Variants in INTS6 observed in about 807,000 individuals in gnomAD.
The protein encoded by INTS6 is DEAD box protein.
INTS6 carries 16 observed loss-of-function variants against 104.9 expected under a neutral mutation model. That is an observed-to-expected ratio of 0.15 (90% CI 0.10 to 0.23). The LOEUF is 0.23. INTS6 is among the 10% of genes least tolerant of loss of function. The pLI, the probability that INTS6 is intolerant of heterozygous loss-of-function variation, is 1.00. For missense variants in INTS6, 584 were observed against 1,062.8 expected (o/e 0.55, Z 6.26); for synonymous variants, 324 against 358.7 (o/e 0.90, Z 1.09).
intron 3 of INTS6, chr13:51,438,387 C>T (rs1424998705): frequency 6.6e-6 from 1 of 151,448 alleles, no homozygotes; most frequent in Non-Finnish European, 1.5e-5. Context: ...CCTAACTATA[C>T]ATACAAATAA....
the INTS6 span, among the ~76,000 whole-genome samples, chr13:51,340,160 G>T: frequency 6.6e-6 from 1 of 152,210 alleles, no homozygotes; most frequent in Non-Finnish European, 1.5e-5. Context: ...TCACTGGTGA[G>T]TCCAGGAAGT....
At chr13:51,427,128 C>T (rs753629789) in intron 4 of INTS6, among the ~76,000 whole-genome samples, 2 of 152,088 alleles carry the variant, frequency 1.3e-5, no homozygotes, top group Non-Finnish European at 2.9e-5. Context: ...TAACATGACT[C>T]TTAAGCAAAG....
chr13:51,387,226 T>C (rs771596571), intron 7 of INTS6, among the ~76,000 whole-genome samples, 160 bp downstream of exon 7: 4 of 152,228 alleles, frequency 2.6e-5, no homozygotes, highest in African/African-American at 4.8e-5. Context: ...AGGGTTATCA[T>C]AGCAAAGCAA....
At chr13:51,396,039 C>T (rs1016148487) in intron 4 of INTS6, among the ~76,000 whole-genome samples, 2 of 152,022 alleles carry the variant, frequency 1.3e-5, no homozygotes, top group Non-Finnish European at 2.9e-5. Flanking sequence ...CTCAGGTGAC[C>T]CACACGCCTC....
At chr13:51,435,639 G>A (rs1957173548) in intron 3 of INTS6, among the ~76,000 whole-genome samples, 1 of 151,916 alleles carries the variant, frequency 6.6e-6, no homozygotes, top group Non-Finnish European at 1.5e-5. Context: ...CTAAGAAAAG[G>A]TAATTTCCTC....
intron 5 of INTS6, 93 bp downstream of exon 5, chr13:51,395,207 A>G (rs963309025): frequency 4.1e-5 from 52 of 1,261,600 alleles, no homozygotes; most frequent in Non-Finnish European, 5.4e-5. Context: ...CTTGTGAAAT[A>G]AAAACAAACA....
intron 3 of INTS6, chr13:51,443,285 C>T (rs938959199): frequency 5.3e-5 from 8 of 152,098 alleles, no homozygotes; most frequent in African/African-American, 1.9e-4. Flanking sequence ...CATTCTAAAG[C>T]CCTATGAAAA....
rs144113161 is a variant in INTS6 at position 51,362,403 on chromosome 13, A to G, written c.*3349T>C. The G allele has an allele frequency of 2.3e-3, 369 of 159,254 alleles. 2 individuals are homozygous for G. Among genetic ancestry groups the G allele is most frequent in the Non-Finnish European group, 1.8e-3 (132 of 73,126 alleles). The allele number at this position is 159,254 out of a possible 1,614,324, so 9.9% of individuals were successfully genotyped here. A position where few individuals can be genotyped will look rare whatever the true frequency, so the allele number is the denominator to read the frequency against. ...CTAGTACTTTTAAGTCCTACTACAT[A>G]ACCTTATGGTAATCCAAAGATGGTG... On this transcript the variant is annotated 3_prime_UTR_variant, in exon 18 of 18. Transcript: ENST00000311234.
intron 4 of INTS6, chr13:51,422,875 G>A (rs181520405): frequency 9.6e-5 from 31 of 321,970 alleles, no homozygotes; most frequent in African/African-American, 6.2e-4. Flanking sequence ...AAGTCTTCAT[G>A]CTTTTGCATA....
Position 51,389,368 on chromosome 13 carries a change from C to T in INTS6, c.690G>A (p.Gly230=). 1 of 1,613,482 alleles carries T rather than the reference C, an allele frequency of 6.2e-7. No individual in the cohort carries two copies. Among genetic ancestry groups the T allele is most frequent in the African/African-American group, 1.3e-5 (1 of 74,918 alleles). ...LESLVQKVQS[G]VVINFEKAGP... ...CTGCTTTTTCAAAGTTTATTACCACCCCACTTTGTACTTTCTGCACCAAGG... is the reference window on the plus strand; with the variant it reads ...CTGCTTTTTCAAAGTTTATTACCACTCCACTTTGTACTTTCTGCACCAAGG... The change falls in exon 6 of 18, where the codon GGG becomes GGA. Residue 230 remains glycine (G), a synonymous_variant. Transcript: ENST00000311234.
intron 5 of INTS6, among the ~76,000 whole-genome samples, chr13:51,390,380 T>C (rs1416445340): frequency 6.6e-6 from 1 of 151,830 alleles, no homozygotes; most frequent in African/African-American, 2.4e-5. Context: ...AAATAAAATA[T>C]ATTATTAAAA....
chr13:51,448,228 A>G (rs1952963919), intron 3 of INTS6: 1 of 152,246 alleles, frequency 6.6e-6, no homozygotes, highest in Non-Finnish European at 1.5e-5. Context: ...GATCAGCATT[A>G]TTTGAAACTC....
downstream of INTS6, among the ~76,000 whole-genome samples, chr13:51,357,324 T>C: frequency 6.6e-6 from 1 of 152,200 alleles, no homozygotes; most frequent in Non-Finnish European, 1.5e-5. Flanking sequence ...ATGGGGTAAC[T>C]ACCACTCACC....
At chr13:51,382,202 T>G in intron 9 of INTS6, 79 bp from the exon 10 acceptor site, 1 of 747,548 alleles carries the variant, frequency 1.3e-6, no homozygotes, top group Non-Finnish European at 2.1e-6. Context: ...CGTTTCCTTT[T>G]TAAAGTCTGC....
chr13:51,347,365 C>T, the INTS6 span: 1 of 761,082 alleles, frequency 1.3e-6, no homozygotes, highest in Non-Finnish European at 2.2e-6. Flanking sequence ...CTGGACTGGG[C>T]ATGCATGGCG....
At chr13:51,341,219 C>A in the INTS6 span, 1 of 1,614,004 alleles carries the variant, frequency 6.2e-7, no homozygotes, top group South Asian at 1.1e-5. Flanking sequence ...AGTGTGGCCG[C>A]GTGTAGAAAT....
intron 4 of INTS6, among the ~76,000 whole-genome samples, chr13:51,427,502 A>G (rs1323908031): frequency 6.6e-6 from 1 of 152,162 alleles, no homozygotes; most frequent in African/African-American, 2.4e-5. Context: ...AGGCTAGAAT[A>G]TTTCACAATA....
chr13:51,425,854 G>A (rs906946673), intron 4 of INTS6, among the ~76,000 whole-genome samples: 1 of 151,906 alleles, frequency 6.6e-6, no homozygotes, highest in African/African-American at 2.4e-5. Context: ...AACATCAACG[G>A]TAACTACTAA....
intron 17 of INTS6, 60 bp downstream of exon 17, chr13:51,367,745 G>T: frequency 3.4e-6 from 3 of 888,150 alleles, no homozygotes; most frequent in Non-Finnish European, 5.4e-6. Context: ...TTAAAATACT[G>T]CCTATATAAA....
Sources: gnomAD v4.1 joint callset for allele counts (sites outside exome capture counted in the v4.1 genomes callset) on GRCh38, gnomAD v4.1.1 for gene constraint, MANE v1.5 for transcripts, NCBI Gene and HGNC (gene_info 2026-07-23, HGNC 2026-07-21) for gene names.